Variants in ATRIP observed in about 807,000 individuals in gnomAD.
The protein encoded by ATRIP is ATR-interacting protein.
In ATRIP, 44 loss-of-function variants were observed where a neutral mutation model predicts 78.1. The observed-to-expected ratio is 0.56, with a 90% confidence interval of 0.44 to 0.72. ATRIP has a LOEUF of 0.72. Among genes scored for constraint, ATRIP ranks in the 30% least tolerant of loss-of-function variants. The pLI, the probability that ATRIP is intolerant of heterozygous loss-of-function variation, is 0.00. For synonymous variants in ATRIP, 388 were observed against 408.9 expected, an observed-to-expected ratio of 0.95 and a Z score of 0.62; for missense variants, 927 against 980.2, an observed-to-expected ratio of 0.95 and a Z score of 0.72.
intron 10 of ATRIP, 58 bp from the exon 11 acceptor site, chr3:48,464,524 C>A: frequency 6.4e-7 from 1 of 1,552,956 alleles, no homozygotes; most frequent in Non-Finnish European, 8.9e-7. Context: ...CTTAAGAAAA[C>A]CCTCGCAGGG....
chr3:48,456,987 G>A (rs779484857), intron 4 of ATRIP, among the ~76,000 whole-genome samples: 18 of 152,122 alleles, frequency 1.2e-4, no homozygotes, highest in Non-Finnish European at 2.5e-4. Context: ...TGGATCACTT[G>A]AGCTCAGCAG....
In ATRIP at chr3:48,446,754, G is replaced by T; in HGVS notation, c.-92G>T. The T allele has an allele frequency of 1.5e-6, 2 of 1,317,104 alleles. No individual in the cohort carries two copies. Among genetic ancestry groups the T allele is most frequent in the Non-Finnish European group, 1.9e-6 (2 of 1,030,692 alleles). 81.6% of individuals were successfully genotyped at this position (1,317,104 alleles called of 1,614,324 possible). A position where few individuals can be genotyped will look rare whatever the true frequency, so the allele number is the denominator to read the frequency against. On this transcript the variant is annotated 5_prime_UTR_variant, in exon 1 of 13. Transcript: ENST00000320211. ...GGCGGGGCACTCGCGGCGGAGGCAAGCGGCGGCGCGCGGACGGTTGGTCCA... is the reference window on the plus strand; with the variant it reads ...GGCGGGGCACTCGCGGCGGAGGCAATCGGCGGCGCGCGGACGGTTGGTCCA...
In ATRIP at chr3:48,464,067, A is replaced by G. The variant is rs1303818508; in HGVS notation, c.1909A>G (p.Met637Val). The stretch of plus-strand genomic sequence containing the variant: ...AGGCTGCCTCCTGCTGCTGCTGTAC[A>G]TGTACATCACATCACGGCCTGACAG... Reference protein sequence around the residue: ...SEGCLLLLLYMYITSRPDRVA... With the variant: ...SEGCLLLLLYVYITSRPDRVA... The change falls in exon 10 of 13, where the codon ATG becomes GTG. Residue 637 changes from methionine (M) to valine (V), a missense_variant. Transcript: ENST00000320211. The G allele has an allele frequency of 6.2e-6, 10 of 1,613,754 alleles. No individual in the cohort carries two copies. The highest frequency in any genetic ancestry group is 1.1e-5 in the South Asian group (1 of 91,072).
rs1309779519 is a variant in ATRIP, at chr3:48,467,643, A to G, written c.*2089A>G. On this transcript the variant is annotated 3_prime_UTR_variant, in exon 13 of 13. Transcript: ENST00000320211. Reference sequence around the variant, plus strand: ...GACGAATAAAGACCCCCGCTGCCCCATAGCACTGAGTGGTCAATTGGCTCC... The same window carrying G: ...GACGAATAAAGACCCCCGCTGCCCCGTAGCACTGAGTGGTCAATTGGCTCC... 1 of 1,587,570 alleles carries G rather than the reference A, an allele frequency of 6.3e-7. No homozygotes were observed. The highest frequency in any genetic ancestry group is 2.2e-5 in the East Asian group (1 of 44,682).
At chr3:48,450,533 T>C (rs2039808044) in intron 2 of ATRIP, 1 of 1,290,060 alleles carries the variant, frequency 7.8e-7, no homozygotes, top group Non-Finnish European at 1.0e-6. Flanking sequence ...CATCTGTAGG[T>C]CCCTAAGAAA....
In ATRIP at chr3:48,466,913, T is replaced by G; in HGVS notation, c.*1359T>G. On this transcript the variant is annotated 3_prime_UTR_variant, in exon 13 of 13. Transcript: ENST00000320211. ...GCCCTGCAGCCAGCGAGATCACAGG[T>G]CTGAGCACAGCTGTGCTGGCAGCGC... 6.2e-7 allele frequency: 1 copy of G among 1,611,786 alleles called. No individual in the cohort carries two copies. Among genetic ancestry groups the G allele is most frequent in the Non-Finnish European group, 8.5e-7 (1 of 1,180,016 alleles).
chr3:48,455,808 G>A (rs927512988), intron 4 of ATRIP, among the ~76,000 whole-genome samples: 3 of 151,778 alleles, frequency 2.0e-5, no homozygotes, highest in African/African-American at 7.2e-5. Flanking sequence ...TGGAAGTCTT[G>A]TGACTATTAA....
chr3:48,463,999 G>C, intron 9 of ATRIP, 42 bp from the exon 10 acceptor site: 1 of 1,607,524 alleles, frequency 6.2e-7, no homozygotes, highest in South Asian at 1.1e-5. Flanking sequence ...CGCTCTTTAT[G>C]AGAAAGGGCA....
At position 48,447,339 on chromosome 3, in the gene ATRIP, A is replaced by G. The variant is rs1053210688; in HGVS notation, c.247+247A>G. On this transcript the variant is annotated intron_variant, in intron 1 of 12. Coordinates refer to ENST00000320211, the MANE Select transcript of ATRIP (RefSeq NM_130384.3). Reference sequence around the variant, plus strand: ...AAGTTGACATTTTACGTTATTTTCTAAAGTTTAGGCCACTTGGTTCTTGGT... The same window carrying G: ...AAGTTGACATTTTACGTTATTTTCTGAAGTTTAGGCCACTTGGTTCTTGGT... 7 of 1,188,764 alleles carry G rather than the reference A, an allele frequency of 5.9e-6. No homozygotes were observed. In the African/African-American group the frequency reaches 6.3e-5, roughly 11 times the overall value. The allele number at this position is 1,188,764 out of a possible 1,614,324, so 73.6% of individuals were successfully genotyped here.
intron 8 of ATRIP, 86 bp downstream of exon 8, chr3:48,460,885 CAT>C: frequency 7.7e-7 from 1 of 1,304,270 alleles, no homozygotes; most frequent in Non-Finnish European, 1.1e-6. Context: ...ACTTTGCTCA[CAT>C]CTTGACTTAT....
intron 2 of ATRIP, chr3:48,450,442 A>G (rs2039804131): frequency 4.3e-6 from 5 of 1,164,432 alleles, no homozygotes; most frequent in South Asian, 1.3e-5. Flanking sequence ...TATAGCATGT[A>G]TCTTCATGTG....
chr3:48,450,043 A>G lies in ATRIP; in HGVS notation c.254A>G (p.His85Arg), dbSNP rs1174135769. Residue 85 changes from histidine to arginine, a missense_variant, in exon 2 of 13, where the codon CAT becomes CGT. Coordinates refer to ENST00000320211, the MANE Select transcript of ATRIP (RefSeq NM_130384.3). The stretch of plus-strand genomic sequence containing the variant: ...ATGGAACTATTTTTTACAGGTGATC[A>G]TAAGGTCCACAGATTATTAGATGGC... ...PAAARDVSSD[H>R]KVHRLLDGMS... The G allele has an allele frequency of 2.5e-6, 4 of 1,610,104 alleles. No homozygotes were observed. Among genetic ancestry groups the G allele is most frequent in the South Asian group, 2.2e-5 (2 of 89,564 alleles).
chr3:48,461,751 C>G (rs2040119331), intron 8 of ATRIP, among the ~76,000 whole-genome samples: 1 of 152,148 alleles, frequency 6.6e-6, no homozygotes, highest in Admixed American at 6.5e-5. Context: ...GTTGTCCAAG[C>G]TGGAGTGCAG....
intron 10 of ATRIP, 117 bp downstream of exon 10, chr3:48,464,249 T>A: frequency 1.0e-6 from 1 of 975,368 alleles, no homozygotes; most frequent in Non-Finnish European, 1.6e-6. Context: ...GTAACAAGAG[T>A]TGATAAAGCA....
intron 5 of ATRIP, among the ~76,000 whole-genome samples, chr3:48,457,663 G>T (rs917848337): frequency 1.3e-5 from 2 of 152,120 alleles, no homozygotes; most frequent in African/African-American, 4.8e-5. Context: ...TGGATATGGG[G>T]TATCCTCTTA....
chr3:48,449,158 A>T lies in ATRIP; in HGVS notation c.248-879A>T, dbSNP rs1321964677. Among the ~76,000 whole-genome samples, 5 of 152,188 alleles carry T rather than the reference A, an allele frequency of 3.3e-5. No individual in the cohort carries two copies. In the East Asian group the frequency reaches 9.6e-4, roughly 29 times the overall value. ...GCCGGGTGTGGTGGCTCACGCCTGT[A>T]ATCCCAGCACTTTGGGAGGCCAAGG... On this transcript the variant is annotated intron_variant, in intron 1 of 12. Transcript: ENST00000320211.
At position 48,457,270 on chromosome 3, in the gene ATRIP, A is replaced by G; in HGVS notation, c.683A>G (p.Asn228Ser). The G allele has an allele frequency of 6.4e-7, 1 of 1,571,746 alleles. No individual in the cohort carries two copies. Among genetic ancestry groups the G allele is most frequent in the Non-Finnish European group, 8.6e-7 (1 of 1,161,798 alleles). ...PSVSHVSPRK[N>S]PSVVIKPEAC... ...TTAACTTTTTCCAGTCCTAGGAAAA[A>G]CCCTTCTGTGGTTATAAAGCCAGAA... Residue 228 changes from asparagine to serine, a missense_variant, in exon 5 of 13, where the codon AAC (asparagine) becomes AGC (serine). Physicochemically the swap from Asn to Ser is conservative, Grantham distance 46 (BLOSUM62 1). Coordinates refer to ENST00000320211, the MANE Select transcript of ATRIP (RefSeq NM_130384.3).
Position 48,447,085 on chromosome 3 carries a change from CGT to C in ATRIP, c.243_244del (p.Ser82GlnfsTer2). 8 of 1,551,372 alleles carry C rather than the reference CGT, an allele frequency of 5.2e-6. No homozygotes were observed. The highest frequency in any genetic ancestry group is 6.9e-6 in the Non-Finnish European group (8 of 1,151,456). On this transcript the variant is annotated frameshift_variant, in exon 1 of 13. Coordinates refer to ENST00000320211, the MANE Select transcript of ATRIP (RefSeq NM_130384.3). LOFTEE classifies it high-confidence loss of function. ...GCCAATGTCCGGCCGCGGCTCGGGA[CGT>C]GTCCAGTGAGTGCTCCTCGCGGCCT... ...LSQCPAAARD[V>X]SSDHKVHRLL...
At chr3:48,447,713 G>C (rs764495007) in intron 1 of ATRIP, among the ~76,000 whole-genome samples, 1 of 152,172 alleles carries the variant, frequency 6.6e-6, no homozygotes, top group Non-Finnish European at 1.5e-5. Context: ...AGTGCACCTT[G>C]CATCTGTACT....
Sources: allele counts gnomAD v4.1 joint callset (sites outside exome capture counted in the v4.1 genomes callset), GRCh38; gene constraint gnomAD v4.1.1; transcripts MANE v1.5; gene names NCBI Gene and HGNC (gene_info 2026-07-23, HGNC 2026-07-21).